Variants in RFT1 observed in about 807,000 individuals in gnomAD.
The protein encoded by RFT1 is RFT1 glycolipid translocator homolog.
In RFT1, 43 loss-of-function variants were observed where a neutral mutation model predicts 62.2. That is an observed-to-expected ratio of 0.69 (90% confidence interval 0.54 to 0.89). The LOEUF is 0.89. RFT1 is among the 40% of genes least tolerant of loss of function. The pLI is 0.00. For missense variants in RFT1, 605 were observed against 649.9 expected, an observed-to-expected ratio of 0.93 and a Z score of 0.75; for synonymous variants, 262 against 264.6, an observed-to-expected ratio of 0.99 and a Z score of 0.10.
chr3:53,129,092 C>A (rs1702189519), intron 1 of RFT1, among the ~76,000 whole-genome samples: 2 of 151,928 alleles, frequency 1.3e-5, no homozygotes, highest in South Asian at 4.2e-4. Context: ...ACAATAAACT[C>A]AGTTATTTAT....
intron 6 of RFT1, among the ~76,000 whole-genome samples, chr3:53,118,402 C>T (rs954451143): frequency 2.0e-5 from 3 of 152,156 alleles, no homozygotes; most frequent in Non-Finnish European, 4.4e-5. Flanking sequence ...GTATCCAAAA[C>T]GTCCTGTTGG....
intron 1 of RFT1, among the ~76,000 whole-genome samples, chr3:53,129,526 A>C (rs1702199805): frequency 6.6e-6 from 1 of 152,020 alleles, no homozygotes; most frequent in African/African-American, 2.4e-5. Flanking sequence ...GACTTGTGTG[A>C]AGTAGGGTTG....
the RFT1 span, chr3:53,077,738 G>C: frequency 6.6e-6 from 1 of 152,288 alleles, no homozygotes; most frequent in Non-Finnish European, 1.5e-5. Flanking sequence ...GGCTGAGGAT[G>C]CCGTGGAGCC....
intron 10 of RFT1, chr3:53,103,649 C>T: frequency 2.5e-6 from 1 of 399,174 alleles, no homozygotes; most frequent in African/African-American, 2.1e-5. Context: ...CCAGAGGGAG[C>T]ACAGGGAAGC....
At position 53,121,767 on chromosome 3, in the gene RFT1, T is replaced by C. The variant is rs2107162275; in HGVS notation, c.490A>G (p.Ser164Gly). 1 of 1,613,922 alleles carries C rather than the reference T, an allele frequency of 6.2e-7. No homozygotes were observed. Among genetic ancestry groups the C allele is most frequent in the Non-Finnish European group, 8.5e-7 (1 of 1,179,934 alleles). Residue 164 changes from serine to glycine, a missense_variant, in exon 5 of 13, where the codon AGC becomes GGC. By Grantham distance (56) the Ser-to-Gly change is moderately conservative. Coordinates refer to ENST00000296292, the MANE Select transcript of RFT1 (RefSeq NM_052859.4). ...AGCACGAGAAAAGCTGTCAGAACGCTCTTAAGAATTACCGACAGGCTCTCT... is the reference window on the plus strand; with the variant it reads ...AGCACGAGAAAAGCTGTCAGAACGCCCTTAAGAATTACCGACAGGCTCTCT... ...IAESLSVILK[S>G]VLTAFLVLWL...
chr3:53,091,994 G>A lies in RFT1; in HGVS notation c.1535C>T (p.Thr512Ile). The change falls in exon 13 of 13, where the codon ACT becomes ATT. Residue 512 changes from threonine to isoleucine, a missense_variant. Physicochemically the swap from Thr to Ile is moderately conservative, Grantham distance 89. Transcript: ENST00000296292. ...IAVGAFCLGA[T>I]LGTAFLTETK... Reference sequence around the variant, plus strand: ...CTCTGTGAGGAATGCTGTCCCGAGAGTTGCTCCCAGACAGAAGGCCCCCAC... The same window carrying A: ...CTCTGTGAGGAATGCTGTCCCGAGAATTGCTCCCAGACAGAAGGCCCCCAC... 6.2e-7 allele frequency: 1 copy of A among 1,614,276 alleles called. No individual in the cohort carries two copies. The highest frequency in any genetic ancestry group is 8.5e-7 in the Non-Finnish European group (1 of 1,180,046).
chr3:53,104,497 AG>A (rs1379330508), intron 9 of RFT1, among the ~76,000 whole-genome samples: 1 of 152,078 alleles, frequency 6.6e-6, no homozygotes, highest in Non-Finnish European at 1.5e-5. Flanking sequence ...CCAAAGCGTG[AG>A]GCTTACAGGC....
intron 6 of RFT1, among the ~76,000 whole-genome samples, chr3:53,118,943 G>T (rs1334294854): frequency 1.3e-5 from 2 of 152,174 alleles, no homozygotes; most frequent in African/African-American, 4.8e-5. Context: ...GAGGCCGGGC[G>T]TGGTGGCTCA....
In RFT1 at chr3:53,092,173, A is replaced by G. The variant is rs1328799679; in HGVS notation, c.1459-103T>C. On this transcript the variant is annotated intron_variant, in intron 12 of 12. Transcript: ENST00000296292. ...TGTGGTTCCAGCTTCTAAGTCAGAT[A>G]AAAGGCATAACAGCCATACTGCAGG... is the stretch of plus-strand genomic sequence containing the variant. The G allele has an allele frequency of 2.0e-6, 3 of 1,471,854 alleles. No individual in the cohort carries two copies. The African/African-American group carries it at 4.2e-5, about 20-fold the overall frequency. 91.2% of individuals were successfully genotyped at this position (1,471,854 alleles called of 1,614,324 possible).
chr3:53,124,613 G>A (rs1371376777), intron 2 of RFT1, among the ~76,000 whole-genome samples: 1 of 152,138 alleles, frequency 6.6e-6, no homozygotes, highest in Non-Finnish European at 1.5e-5. Context: ...GCTGCCTGGG[G>A]AGAAAAATCT....
intron 10 of RFT1, chr3:53,103,077 G>A: frequency 1.0e-6 from 1 of 983,932 alleles, no homozygotes; most frequent in Non-Finnish European, 1.2e-6. Context: ...CACAGCAGGT[G>A]TTTCTCCAAA....
intron 6 of RFT1, 60 bp from the exon 7 acceptor site, chr3:53,111,968 A>AT: frequency 7.4e-7 from 1 of 1,344,444 alleles, no homozygotes; most frequent in Non-Finnish European, 1.1e-6. Context: ...TAAGAATGCA[A>AT]TGCTACATGA....
chr3:53,109,250 T>C (rs932840698), intron 7 of RFT1, among the ~76,000 whole-genome samples: 2 of 152,174 alleles, frequency 1.3e-5, no homozygotes, highest in Non-Finnish European at 2.9e-5. Context: ...TCCTACATTC[T>C]ATAGACTCCC....
intron 6 of RFT1, among the ~76,000 whole-genome samples, chr3:53,112,208 T>C (rs1322363506): frequency 6.6e-6 from 1 of 152,232 alleles, no homozygotes; most frequent in African/African-American, 2.4e-5. Flanking sequence ...AGCTAACACG[T>C]ACAGCTCACA....
chr3:53,120,054 C>A, intron 5 of RFT1, 33 bp from the exon 6 acceptor site: 3 of 1,566,190 alleles, frequency 1.9e-6, no homozygotes, highest in Non-Finnish European at 2.6e-6. Context: ...TTAATAAAGG[C>A]ATAATTAAGA....
chr3:53,098,675 G>A lies in RFT1; in HGVS notation c.1208+706C>T, dbSNP rs567424424. ...AAATTAGCCAGGCATGGTGGCACGC[G>A]CCTGTAGTCCCAGCTACCTGGGAGG... On this transcript the variant is annotated intron_variant, in intron 11 of 12. Transcript: ENST00000296292. Among the ~76,000 whole-genome samples the A allele has an allele frequency of 3.1e-3, 467 of 152,024 alleles. 2 individuals carry two copies. Among genetic ancestry groups the A allele is most frequent in the Non-Finnish European group, 5.7e-3 (388 of 67,962 alleles).
intron 5 of RFT1, among the ~76,000 whole-genome samples, chr3:53,120,799 A>C (rs1244650482): frequency 6.6e-6 from 1 of 152,220 alleles, no homozygotes; most frequent in Non-Finnish European, 1.5e-5. Flanking sequence ...TAGTAAAGGC[A>C]CAGGGCAAGG....
At chr3:53,103,625 CT>C in intron 10 of RFT1, 1 of 378,322 alleles carries the variant, frequency 2.6e-6, no homozygotes, top group East Asian at 6.4e-5. Context: ...TGCCCTCTGC[CT>C]TCCTCCCTCA....
downstream of RFT1, chr3:53,085,726 A>G (rs1188180610): frequency 1.3e-5 from 2 of 152,240 alleles, no homozygotes; most frequent in Admixed American, 6.5e-5. Flanking sequence ...ACTTGCAAGG[A>G]AAGACCTAAT....
Sources: gnomAD v4.1 joint callset for allele counts (sites outside exome capture counted in the v4.1 genomes callset) on GRCh38, gnomAD v4.1.1 for gene constraint, MANE v1.5 for transcripts, NCBI Gene and HGNC (gene_info 2026-07-23, HGNC 2026-07-21) for gene names.